BLTP3A: variants seen among roughly 807,000 people sequenced by gnomAD.
The protein encoded by BLTP3A is bridge-like lipid transfer protein family member 3A.
At chr6:34,814,909 T>C in the BLTP3A span, among the ~76,000 whole-genome samples, 2 of 152,318 alleles carry the variant, frequency 1.3e-5, no homozygotes, top group East Asian at 3.9e-4. Context: ...TATAAATTTA[T>C]TCTGTGCCAG....
At chr6:34,818,961 G>A in the BLTP3A span, among the ~76,000 whole-genome samples, 1 of 152,016 alleles carries the variant, frequency 6.6e-6, no homozygotes, top group African/African-American at 2.4e-5. Context: ...GATACATATA[G>A]TGAAAAAAGT....
the BLTP3A span, chr6:34,858,262 C>T: frequency 9.7e-5 from 156 of 1,614,062 alleles, no homozygotes; most frequent in East Asian, 5.3e-4. Flanking sequence ...GAGTCTCTTC[C>T]GGGGTTTTGC....
the BLTP3A span, among the ~76,000 whole-genome samples, chr6:34,860,099 C>T: frequency 9.9e-5 from 15 of 152,122 alleles, no homozygotes; most frequent in Admixed American, 9.8e-4. Flanking sequence ...AGAGGATGAG[C>T]TCATAGATAT....
chr6:34,869,676 A>G, the BLTP3A span, among the ~76,000 whole-genome samples: 1 of 100,790 alleles, frequency 9.9e-6, no homozygotes. Flanking sequence ...TTTGAGGCAG[A>G]GTCTTGCTGG....
At chr6:34,859,295 T>C in the BLTP3A span, 9 of 1,613,598 alleles carry the variant, frequency 5.6e-6, no homozygotes, top group Non-Finnish European at 7.6e-6. Flanking sequence ...GCCAAGAAAC[T>C]GAGCAGAACC....
the BLTP3A span, among the ~76,000 whole-genome samples, chr6:34,826,026 A>ATTTTTTTT: frequency 2.6e-5 from 2 of 76,648 alleles, no homozygotes; most frequent in Non-Finnish European, 4.9e-5. Flanking sequence ...TACATTTTGC[A>ATTTTTTTT]TTTTTTTTTT....
chr6:34,859,073 C>G, the BLTP3A span: 1 of 1,614,216 alleles, frequency 6.2e-7, no homozygotes, highest in Non-Finnish European at 8.5e-7. Context: ...CTCGTAGATT[C>G]AGAGCTATCT....
the BLTP3A span, among the ~76,000 whole-genome samples, chr6:34,829,610 T>C: frequency 6.6e-6 from 1 of 152,152 alleles, no homozygotes; most frequent in African/African-American, 2.4e-5. Flanking sequence ...TCCATTCTGT[T>C]GTAGATGCTT....
At chr6:34,823,463 A>G in the BLTP3A span, 19 of 795,648 alleles carry the variant, frequency 2.4e-5, no homozygotes, top group South Asian at 3.1e-4. Flanking sequence ...TAAAGTAAAG[A>G]AAATGGTATA....
chr6:34,858,851 A>G, the BLTP3A span: 1 of 1,614,178 alleles, frequency 6.2e-7, no homozygotes, highest in Non-Finnish European at 8.5e-7. Context: ...AGGCTTGACC[A>G]CTACCAGTAC....
chr6:34,867,779 C>T, the BLTP3A span, among the ~76,000 whole-genome samples: 1 of 152,110 alleles, frequency 6.6e-6, no homozygotes. Context: ...GCCTTTTTTG[C>T]AAAGAGCCTC....
chr6:34,857,663 G>T, the BLTP3A span: 1 of 1,518,096 alleles, frequency 6.6e-7, no homozygotes, highest in African/African-American at 1.4e-5. Flanking sequence ...TTAATATTAG[G>T]TAGTAAGAGC....
the BLTP3A span, among the ~76,000 whole-genome samples, chr6:34,836,791 T>C: frequency 1.3e-5 from 2 of 152,196 alleles, no homozygotes; most frequent in Non-Finnish European, 2.9e-5. Context: ...TAAATATTTA[T>C]TGTGTGTAAA....
At chr6:34,832,552 T>C in the BLTP3A span, among the ~76,000 whole-genome samples, 67,726 of 151,462 alleles carry the variant, frequency 0.45, 17,160 homozygotes, top group African/African-American at 0.7. Flanking sequence ...CCTCCTATCT[T>C]AGCCTCTCAA....
chr6:34,804,340 T>C, the BLTP3A span, among the ~76,000 whole-genome samples: 1 of 152,152 alleles, frequency 6.6e-6, no homozygotes, highest in Non-Finnish European at 1.5e-5. Flanking sequence ...CAAACTTTAT[T>C]GCCCATCTGC....
At chr6:34,856,696 A>G in the BLTP3A span, 1 of 1,483,142 alleles carries the variant, frequency 6.7e-7, no homozygotes. Flanking sequence ...TCCTACATAT[A>G]ACATTAATGA....
chr6:34,858,114 C>G, the BLTP3A span: 1 of 1,606,188 alleles, frequency 6.2e-7, no homozygotes, highest in East Asian at 2.2e-5. Context: ...GTTTCATTTT[C>G]TCTGTGAAGG....
chr6:34,864,339 CAG>C, the BLTP3A span: 160 of 916,788 alleles, frequency 1.7e-4, 1 homozygote, highest in African/African-American at 2.4e-3. Flanking sequence ...AAAAGAGAGA[CAG>C]AGAAATTTTG....
chr6:34,809,114 C>T, the BLTP3A span, among the ~76,000 whole-genome samples: 2 of 152,092 alleles, frequency 1.3e-5, no homozygotes, highest in African/African-American at 4.8e-5. Flanking sequence ...TTCAGACCGC[C>T]AGGTTTGGTG....
Sources: gnomAD v4.1 joint callset for allele counts (sites outside exome capture counted in the v4.1 genomes callset) on GRCh38, gnomAD v4.1.1 for gene constraint, MANE v1.5 for transcripts, NCBI Gene and HGNC (gene_info 2026-07-23, HGNC 2026-07-21) for gene names.